The following SIPA1L2 variants were observed in gnomAD, a reference collection of about 807,000 sequenced individuals.
The protein encoded by SIPA1L2 is signal induced proliferation associated 1 like 2.
In SIPA1L2, 56 loss-of-function variants were observed where a neutral mutation model predicts 163.9. That is an observed-to-expected ratio of 0.34 (90% CI 0.28 to 0.43). The LOEUF is 0.43. Ranked by LOEUF, SIPA1L2 falls within the 20% of genes least tolerant of loss-of-function variation. SIPA1L2 has a pLI of 1.00. For synonymous variants in SIPA1L2, 877 were observed against 865.7 expected, an observed-to-expected ratio of 1.01 and a Z score of -0.23; for missense variants, 1,974 against 2,193.5, an observed-to-expected ratio of 0.90 and a Z score of 2.00.
Position 232,398,972 on chromosome 1 carries a change from G to A in SIPA1L2, c.*155C>T, listed in dbSNP as rs1167733996. On this transcript the variant is annotated 3_prime_UTR_variant, in exon 23 of 23. Transcript: ENST00000674635. The stretch of plus-strand genomic sequence containing the variant: ...CTGCCGTGGTTACCGAGAAAGAGTC[G>A]AGGCTCCCTATCCTGCTGTGGTGAA... 5.0e-6 allele frequency: 5 copies of A among 992,862 alleles called. No individual in the cohort carries two copies. The African/African-American group carries it at 6.5e-5, about 13-fold the overall frequency. 61.5% of individuals were successfully genotyped at this position (992,862 alleles called of 1,614,324 possible).
At chr1:232,441,211 G>A in intron 14 of SIPA1L2, 80 bp downstream of exon 14, 2 of 1,075,086 alleles carry the variant, frequency 1.9e-6, no homozygotes, top group Non-Finnish European at 2.6e-6. Flanking sequence ...AGCATCCCCA[G>A]GAATCAGGCT....
chr1:232,544,881 G>T (rs1657934517), intron 2 of SIPA1L2, among the ~76,000 whole-genome samples: 1 of 152,076 alleles, frequency 6.6e-6, no homozygotes, highest in Non-Finnish European at 1.5e-5. Context: ...CTAAAGCAGG[G>T]GGTCACTGTA....
intron 3 of SIPA1L2, among the ~76,000 whole-genome samples, chr1:232,501,048 G>GTTTTTTTTTT (rs1421294418): frequency 1.0e-4 from 6 of 58,444 alleles, no homozygotes; most frequent in African/African-American, 1.7e-4. Flanking sequence ...TAGCAATGAA[G>GTTTTTTTTTT]TATTTTTTTT....
chr1:232,510,759 A>G (rs1361157967), intron 3 of SIPA1L2, among the ~76,000 whole-genome samples: 2 of 152,172 alleles, frequency 1.3e-5, no homozygotes, highest in African/African-American at 4.8e-5. Context: ...ACATTAATGA[A>G]TCAAATGGTG....
At chr1:232,449,703 G>A (rs946408650) in intron 10 of SIPA1L2, among the ~76,000 whole-genome samples, 12 of 151,416 alleles carry the variant, frequency 7.9e-5, no homozygotes, top group Non-Finnish European at 1.0e-4. Context: ...AGAGAGTACC[G>A]AGCCCAATGA....
intron 2 of SIPA1L2, among the ~76,000 whole-genome samples, chr1:232,558,314 C>T (rs781518120): frequency 1.2e-4 from 18 of 152,190 alleles, no homozygotes; most frequent in Non-Finnish European, 2.5e-4. Context: ...GGACCCTCAG[C>T]CACTAGATGG....
At chr1:232,462,783 C>G (rs1007418239) in intron 9 of SIPA1L2, among the ~76,000 whole-genome samples, 1 of 152,208 alleles carries the variant, frequency 6.6e-6, no homozygotes, top group Non-Finnish European at 1.5e-5. Context: ...AGTTTATCAT[C>G]CATGTATCAG....
chr1:232,564,149 CGTGTGTGTGTGTGTGTGTGT>C (rs560949113), intron 2 of SIPA1L2, among the ~76,000 whole-genome samples: 1,527 of 44,600 alleles, frequency 0.034, 78 homozygotes, highest in Non-Finnish European at 0.042. Context: ...TTTTTTTTTT[CGTGTGTGTGTGTGTGTGTGT>C]GTGTGTGTGT....
chr1:232,544,599 A>C (rs1477437952), intron 2 of SIPA1L2, among the ~76,000 whole-genome samples: 1 of 151,740 alleles, frequency 6.6e-6, no homozygotes, highest in Admixed American at 6.6e-5. Flanking sequence ...AATGATCTTT[A>C]TCTCTCAAAA....
chr1:232,462,330 T>C, intron 9 of SIPA1L2: 1 of 1,543,176 alleles, frequency 6.5e-7, no homozygotes, highest in Non-Finnish European at 8.7e-7. Context: ...AGGCAATGTA[T>C]GAAGTTTCAG....
At chr1:232,522,622 C>T (rs140940234) in intron 2 of SIPA1L2, among the ~76,000 whole-genome samples, 21 of 152,012 alleles carry the variant, frequency 1.4e-4, no homozygotes, top group African/African-American at 4.1e-4. Context: ...TATGGACCCT[C>T]GGCAAATATC....
At chr1:232,417,142 A>G (rs1432100737) in intron 18 of SIPA1L2, among the ~76,000 whole-genome samples, 3 of 152,156 alleles carry the variant, frequency 2.0e-5, no homozygotes, top group Non-Finnish European at 2.9e-5. Context: ...TTTTATTCCC[A>G]CATCCTTTTG....
chr1:232,479,643 G>A lies in SIPA1L2; in HGVS notation c.2069C>T (p.Pro690Leu). 1 of 1,613,550 alleles carries A rather than the reference G, an allele frequency of 6.2e-7. No individual in the cohort carries two copies. The highest frequency in any genetic ancestry group is 8.5e-7 in the Non-Finnish European group (1 of 1,179,628). ...FHVSTLLPYM[P>L]NNRQQLLRKR... is the part of the protein sequence containing the mutation. ...AGGACATACCTGTTGTCTGTTGTTG[G>A]GCATGTAGGGAAGCAGGGTTGACAC... is the stretch of plus-strand genomic sequence containing the variant. The change falls in exon 7 of 23, where the codon CCC becomes CTC. Residue 690 changes from proline to leucine, a missense_variant. By Grantham distance (98) the Pro-to-Leu change is moderately conservative. This residue lies in a region of SIPA1L2 where 288 missense variants were observed against 418.9 expected (regional missense o/e 0.69). Transcript: ENST00000674635.
At chr1:232,425,356 T>C (rs569275115) in intron 18 of SIPA1L2, among the ~76,000 whole-genome samples, 151 of 152,286 alleles carry the variant, frequency 9.9e-4, no homozygotes, top group Admixed American at 1.7e-3. Context: ...GACAGAAATA[T>C]CTAACATGAG....
intron 2 of SIPA1L2, among the ~76,000 whole-genome samples, chr1:232,562,724 T>C (rs1410867827): frequency 1.3e-5 from 2 of 152,206 alleles, no homozygotes; most frequent in Non-Finnish European, 2.9e-5. Flanking sequence ...TTTAGTCCAC[T>C]TGATAATCAG....
intron 3 of SIPA1L2, among the ~76,000 whole-genome samples, chr1:232,499,140 A>G (rs1398826885): frequency 6.6e-6 from 1 of 152,214 alleles, no homozygotes; most frequent in Non-Finnish European, 1.5e-5. Context: ...AAATTAGGCC[A>G]GATAATAACC....
chr1:232,473,131 T>C (rs895553419), intron 7 of SIPA1L2, among the ~76,000 whole-genome samples: 4 of 152,260 alleles, frequency 2.6e-5, no homozygotes, highest in African/African-American at 9.6e-5. Flanking sequence ...TTCAAATGCA[T>C]GTAAATAATC....
At chr1:232,466,464 A>G (rs570555326) in intron 8 of SIPA1L2, among the ~76,000 whole-genome samples, 1 of 152,332 alleles carries the variant, frequency 6.6e-6, no homozygotes, top group South Asian at 2.1e-4. Context: ...TTTTCTGCAT[A>G]AGATAAATTA....
At chr1:232,597,270 C>T (rs1661308340) in intron 1 of SIPA1L2, among the ~76,000 whole-genome samples, 1 of 152,102 alleles carries the variant, frequency 6.6e-6, no homozygotes, top group Admixed American at 6.5e-5. Flanking sequence ...TGGCAGCCCC[C>T]AAACACAAAC....
Sources: allele counts gnomAD v4.1 joint callset (sites outside exome capture counted in the v4.1 genomes callset), GRCh38; gene constraint gnomAD v4.1.1; regional missense constraint gnomAD v4.1.1; transcripts MANE v1.5; gene names NCBI Gene and HGNC (gene_info 2026-07-23, HGNC 2026-07-21).